Variants in SNAPC4 observed in about 807,000 individuals in gnomAD.
SNAPC4 encodes snRNA-activating protein complex subunit 4.
SNAPC4 carries 127 observed loss-of-function variants against 151.3 expected under a neutral mutation model. That is an observed-to-expected ratio of 0.84 (90% confidence interval 0.73 to 0.97). SNAPC4 has a LOEUF of 0.97. Among genes scored for constraint, SNAPC4 ranks in the 50% least tolerant of loss-of-function variants. The pLI, the probability that SNAPC4 is intolerant of heterozygous loss-of-function variation, is 0.00. For synonymous variants in SNAPC4, 1,002 were observed against 824.4 expected (o/e 1.22, Z -3.69); for missense variants, 2,186 against 1,935.0 (o/e 1.13, Z -2.43).
At position 136,394,832 on chromosome 9, in the gene SNAPC4, A is replaced by G; in HGVS notation, c.518T>C (p.Ile173Thr). 6.2e-7 allele frequency: 1 copy of G among 1,613,916 alleles called. No individual in the cohort carries two copies. Among genetic ancestry groups the G allele is most frequent in the Non-Finnish European group, 8.5e-7 (1 of 1,179,984 alleles). The change falls in exon 6 of 24, where the codon ATC becomes ACC. Residue 173 changes from isoleucine (I) to threonine (T), a missense_variant. By Grantham distance (89) the Ile-to-Thr change is moderately conservative. Coordinates refer to ENST00000684778, the MANE Select transcript of SNAPC4 (RefSeq NM_003086.4). ...CACAAGGAGCTCCTCGAAAGCCTTG[A>G]TCCCCTGGGCAGCCTTCTCTCGTGT... ...EDTREKAAQG[I>T]KAFEELLVTK...
rs746063557 is a variant in SNAPC4 at position 136,381,403 on chromosome 9, AG to A, written c.2318-12del. The stretch of plus-strand genomic sequence containing the variant: ...CCCTGAGGCCATCCGCTGCGGGCAC[AG>A]GGGGATAAGTGGAAAGCAGCCCCAG... On this transcript the variant is annotated splice_polypyrimidine_tract_variant and intron_variant, in intron 18 of 23. Transcript: ENST00000684778. 7 of 1,610,856 alleles carry A rather than the reference AG, an allele frequency of 4.3e-6. No homozygotes were observed. The highest frequency in any genetic ancestry group is 5.1e-6 in the Non-Finnish European group (6 of 1,178,262).
At chr9:136,394,960 A>G in intron 5 of SNAPC4, 82 bp from the exon 6 acceptor site, 1 of 1,272,622 alleles carries the variant, frequency 7.9e-7, no homozygotes, top group Non-Finnish European at 1.1e-6. Flanking sequence ...GAGCCCACAA[A>G]AGGACTCGGG....
At chr9:136,382,882 G>A (rs1053062024) in intron 16 of SNAPC4, among the ~76,000 whole-genome samples, 1 of 152,160 alleles carries the variant, frequency 6.6e-6, no homozygotes. Context: ...GGAGGGAGGA[G>A]GGGCTCCTCC....
At position 136,384,032 on chromosome 9, in the gene SNAPC4, C is replaced by A. The variant is rs2131476144; in HGVS notation, c.1421G>T (p.Gly474Val). 1.2e-6 allele frequency: 2 copies of A among 1,613,206 alleles called. No homozygotes were observed. The highest frequency in any genetic ancestry group is 4.5e-5 in the East Asian group (2 of 44,880). Residue 474 changes from glycine to valine, a missense_variant and splice_region_variant, in exon 15 of 24, where the codon GGT (glycine) becomes GTT (valine). Transcript: ENST00000684778. Reference sequence around the variant, plus strand: ...CTCAGAAGCTATTTTTGCCCAGTGACCTGCAAAAGCCAAACCCCATGGAAA... The same window carrying A: ...CTCAGAAGCTATTTTTGCCCAGTGAACTGCAAAAGCCAAACCCCATGGAAA... Reference protein sequence around the residue: ...LIELIEKYGVGHWAKIASELP... With the variant: ...LIELIEKYGVVHWAKIASELP...
chr9:136,388,774 A>G (rs1588756731), intron 10 of SNAPC4, among the ~76,000 whole-genome samples, 183 bp from the exon 11 acceptor site: 2 of 152,366 alleles, frequency 1.3e-5, no homozygotes. Context: ...TAGGAAGACA[A>G]TACACTCACT....
chr9:136,394,994 G>T, intron 5 of SNAPC4, 116 bp from the exon 6 acceptor site: 1 of 946,752 alleles, frequency 1.1e-6, no homozygotes, highest in Non-Finnish European at 1.6e-6. Context: ...CTGTTCTCCC[G>T]TACTGTGAGG....
rs1191403782 is a variant in SNAPC4, at chr9:136,377,481, G to A, written c.4284+62C>T. 10 of 1,488,310 alleles carry A rather than the reference G, an allele frequency of 6.7e-6. No homozygotes were observed. In the East Asian group the frequency reaches 1.4e-4, roughly 21 times the overall value. 92.2% of individuals were successfully genotyped at this position (1,488,310 alleles called of 1,614,324 possible). On this transcript the variant is annotated intron_variant, in intron 22 of 23. Transcript: ENST00000684778. ...AGCCCCCACCCCACTGCTCCAGGCA[G>A]GCGAGGGCACCCCAGGGACCGCCGC...
chr9:136,398,186 G>T, intron 2 of SNAPC4, 113 bp downstream of exon 2: 2 of 1,133,892 alleles, frequency 1.8e-6, no homozygotes, highest in Non-Finnish European at 2.5e-6. Context: ...GGGTTTACAG[G>T]CCTGAGAAAC....
At chr9:136,399,337 T>C (rs1015204398) in intron 1 of SNAPC4, among the ~76,000 whole-genome samples, 3 of 152,098 alleles carry the variant, frequency 2.0e-5, no homozygotes, top group African/African-American at 7.2e-5. Context: ...CCTCACTCCT[T>C]CACAAAGCCC....
chr9:136,379,205 G>A lies in SNAPC4; in HGVS notation c.2622C>T (p.Thr874=). Reference sequence around the variant, plus strand: ...AAGCCAGCAGGGACGCCTGGGGTAGGGTGCGCTCCACCCGGCTGGACGCCA... The same window carrying A: ...AAGCCAGCAGGGACGCCTGGGGTAGAGTGCGCTCCACCCGGCTGGACGCCA... The part of the protein sequence containing the change: ...RRLASSRVER[T]LPQASLLAST... Residue 874 remains threonine, a synonymous_variant, in exon 22 of 24, where the codon ACC becomes ACT. Transcript: ENST00000684778. 1 of 1,610,176 alleles carries A rather than the reference G, an allele frequency of 6.2e-7. No homozygotes were observed. The highest frequency in any genetic ancestry group is 1.1e-5 in the South Asian group (1 of 90,496).
chr9:136,380,502 C>T (rs552329749), intron 20 of SNAPC4, among the ~76,000 whole-genome samples: 11 of 152,342 alleles, frequency 7.2e-5, no homozygotes, highest in South Asian at 4.1e-4. Flanking sequence ...TGTCCATGAC[C>T]GCCCAGCGGG....
rs138290834 is a variant in SNAPC4, at chr9:136,379,675, C to T, written c.2527+162G>A. On this transcript the variant is annotated intron_variant, in intron 21 of 23. Transcript: ENST00000684778. ...CCAGGGAGCTCCAAGCTGGCCCAGC[C>T]GGACTCTCATCCCTGTGGTGGGACT... 3.9e-5 allele frequency among the ~76,000 whole-genome samples: 6 copies of T among 152,304 alleles called. No homozygotes were observed. The East Asian group carries it at 5.8e-4, about 15-fold the overall frequency.
chr9:136,387,565 A>G lies in SNAPC4; in HGVS notation c.1245T>C (p.Ala415=). 3 of 1,613,684 alleles carry G rather than the reference A, an allele frequency of 1.9e-6. No homozygotes were observed. The highest frequency in any genetic ancestry group is 1.6e-4 in the Middle Eastern group (1 of 6,062). ...APEEDAKLLQ[A]VAKYGEQDWF... is the part of the protein sequence containing the mutation. ...AATCCTGCTCCCCGTATTTGGCAAC[A>G]GCTTGAAGCAACTTCTGCAGGAAGG... The change falls in exon 13 of 24, where the codon GCT becomes GCC. Residue 415 remains alanine, a synonymous_variant. Transcript: ENST00000684778.
Position 136,377,567 on chromosome 9 carries a change from G to A in SNAPC4, c.4260C>T (p.Cys1420=), listed in dbSNP as rs375416741. ...CCTGAATGGGGCATGTGGCTGTCGT[G>A]CAGCCCGGCTGCCCGTCCCTGTCTG... ...ELADRDGQPG[C]TTATCPIQGA... Residue 1420 remains cysteine (C), a synonymous_variant, in exon 22 of 24, where the codon TGC becomes TGT. Transcript: ENST00000684778. 3.6e-5 allele frequency: 55 copies of A among 1,519,646 alleles called. No individual in the cohort carries two copies. Among genetic ancestry groups the A allele is most frequent in the Admixed American group, 8.6e-5 (4 of 46,290 alleles). The allele number at this position is 1,519,646 out of a possible 1,614,324, so 94.1% of individuals were successfully genotyped here. A position where few individuals can be genotyped will look rare whatever the true frequency, so the allele number is the denominator to read the frequency against.
intron 5 of SNAPC4, 119 bp downstream of exon 5, chr9:136,395,179 T>G: frequency 7.7e-7 from 1 of 1,295,782 alleles, no homozygotes; most frequent in African/African-American, 1.5e-5. Flanking sequence ...TTGAAGGAGG[T>G]TGGCCAATGT....
Position 136,381,367 on chromosome 9 carries a change from C to T in SNAPC4, c.2343G>A (p.Gln781=), listed in dbSNP as rs765023575. ...CAGGGGTGCTGGCCAGGCGGGCCTG[C>T]TGCAGCTGCTCCCTGAGGCCATCCG... ...TQADGLREQL[Q]QARLASTPVF... is the part of the protein sequence containing the mutation. Residue 781 remains glutamine, a synonymous_variant, in exon 19 of 24, where the codon CAG becomes CAA. Coordinates refer to ENST00000684778, the MANE Select transcript of SNAPC4 (RefSeq NM_003086.4). 5 of 1,612,674 alleles carry T rather than the reference C, an allele frequency of 3.1e-6. No individual in the cohort carries two copies. The Admixed American group carries it at 5.0e-5, about 16-fold the overall frequency.
At chr9:136,384,130 GT>G in intron 14 of SNAPC4, 98 bp from the exon 15 acceptor site, 1 of 971,474 alleles carries the variant, frequency 1.0e-6, no homozygotes, top group South Asian at 1.6e-5. Context: ...CCCCATCAGA[GT>G]GGAGCCTCCT....
intron 1 of SNAPC4, among the ~76,000 whole-genome samples, chr9:136,399,612 G>C (rs568254525): frequency 4.6e-5 from 7 of 152,260 alleles, no homozygotes; most frequent in Admixed American, 4.6e-4. Flanking sequence ...CCAAGGGCTG[G>C]TCATGAGGGC....
rs150778188 is a variant in SNAPC4, at chr9:136,378,207, G to A, written c.3620C>T (p.Pro1207Leu). 1.3e-4 allele frequency: 215 copies of A among 1,612,084 alleles called. No homozygotes were observed. In the African/African-American group the frequency reaches 2.6e-3, roughly 19 times the overall value. The change falls in exon 22 of 24, where the codon CCA (proline) becomes CTA (leucine). Residue 1207 changes from proline to leucine, a missense_variant. Transcript: ENST00000684778. ...TGCTGGGATGACACCACCGAAGGCT[G>A]GCAGCCTCCCGGACCAAGGGGGTTC... Reference protein sequence around the residue: ...EAEPPWSGRLPAFGGVIPATE... With the variant: ...EAEPPWSGRLLAFGGVIPATE...
Sources: gnomAD v4.1 joint callset for allele counts (sites outside exome capture counted in the v4.1 genomes callset) on GRCh38, gnomAD v4.1.1 for gene constraint, MANE v1.5 for transcripts, NCBI Gene and HGNC (gene_info 2026-07-23, HGNC 2026-07-21) for gene names.